The following APOOL variants were observed in gnomAD, a reference collection of about 807,000 sequenced individuals.
APOOL encodes MICOS complex subunit MIC27.
A neutral mutation model predicts 23.1 loss-of-function variants in APOOL; 12 were observed. That is an observed-to-expected ratio of 0.52 (90% CI 0.33 to 0.84). The LOEUF (loss-of-function observed/expected upper bound fraction) is 0.84. Ranked by LOEUF, APOOL falls within the 40% of genes least tolerant of loss-of-function variation. The pLI is 0.02. For synonymous variants in APOOL, 77 were observed against 69.9 expected, an observed-to-expected ratio of 1.10 and a Z score of -0.51; for missense variants, 212 against 199.6, an observed-to-expected ratio of 1.06 and a Z score of -0.37.
chrX:85,066,845 C>T lies in APOOL; in HGVS notation c.395-282C>T, dbSNP rs536327774. Reference sequence around the variant, plus strand: ...GGGTTTCGTAGGACATGAAAAATACCTAGCTTTCAAGCAGAAGAAAATCAT... The same window carrying T: ...GGGTTTCGTAGGACATGAAAAATACTTAGCTTTCAAGCAGAAGAAAATCAT... On this transcript the variant is annotated intron_variant, in intron 5 of 8. Coordinates refer to ENST00000373173, the MANE Select transcript of APOOL (RefSeq NM_198450.6). Among the ~76,000 whole-genome samples the T allele has an allele frequency of 9.1e-5, 10 of 109,855 alleles. No homozygotes were observed. In the East Asian group the frequency reaches 2.0e-3, roughly 22 times the overall value.
At chrX:85,059,467 T>G (rs1415912540) in intron 5 of APOOL, among the ~76,000 whole-genome samples, 9 of 110,487 alleles carry the variant, frequency 8.1e-5, no homozygotes, top group Admixed American at 5.8e-4. Flanking sequence ...ACTTCCACAA[T>G]CGTTGAACTA....
At chrX:85,048,348 C>T (rs943093416) in intron 2 of APOOL, among the ~76,000 whole-genome samples, 2 of 111,093 alleles carry the variant, frequency 1.8e-5, no homozygotes, top group Admixed American at 1.9e-4. Flanking sequence ...CCTTGACACT[C>T]CCATATCTGG....
chrX:85,034,612 C>T (rs1208814865), intron 1 of APOOL, among the ~76,000 whole-genome samples: 1 of 110,945 alleles, frequency 9.0e-6, no homozygotes, highest in Non-Finnish European at 1.9e-5. Context: ...TTCTTTTCTC[C>T]CTCCCTCCCC....
intron 8 of APOOL, among the ~76,000 whole-genome samples, chrX:85,077,033 GTATA>G: frequency 1.2e-5 from 1 of 81,203 alleles, no homozygotes; most frequent in South Asian, 6.0e-4. Context: ...ATATATGTAT[GTATA>G]TATATACGTA....
intron 1 of APOOL, among the ~76,000 whole-genome samples, chrX:85,045,417 G>A: frequency 8.9e-6 from 1 of 111,824 alleles, no homozygotes; most frequent in South Asian, 3.7e-4. Flanking sequence ...TAAAAACAGT[G>A]TCAGAAATGA....
chrX:85,008,729 C>A (rs2147469918), intron 1 of APOOL, among the ~76,000 whole-genome samples: 1 of 111,375 alleles, frequency 9.0e-6, no homozygotes, highest in South Asian at 3.7e-4. Flanking sequence ...TGGTTGTACA[C>A]CTACTTTGGC....
At chrX:85,077,032 T>C (rs1484484626) in intron 8 of APOOL, among the ~76,000 whole-genome samples, 97 of 94,653 alleles carry the variant, frequency 1.0e-3, no homozygotes, top group African/African-American at 3.7e-3. Context: ...TATATATGTA[T>C]GTATATATAT....
At chrX:85,016,537 G>C (rs1437494568) in intron 1 of APOOL, among the ~76,000 whole-genome samples, 1 of 111,003 alleles carries the variant, frequency 9.0e-6, no homozygotes, top group African/African-American at 3.3e-5. Context: ...ATGCTGGCCT[G>C]AACCTGGAGT....
In APOOL at chrX:85,090,266, A is replaced by G. The variant is rs988280762; in HGVS notation, c.*2588A>G. ...TCAGAAGACCTCTGTGTATATCTCA[A>G]CCAGTACTTGTCATATAGCCACACA... On this transcript the variant is annotated 3_prime_UTR_variant, in exon 9 of 9. Coordinates refer to ENST00000373173, the MANE Select transcript of APOOL (RefSeq NM_198450.6). 5 of 111,750 alleles carry G rather than the reference A, an allele frequency of 4.5e-5. No individual in the cohort carries two copies. Among genetic ancestry groups the G allele is most frequent in the Non-Finnish European group, 1.9e-5 (1 of 53,194 alleles). The allele number at this position is 111,750 out of a possible 1,213,427, so 9.2% of individuals were successfully genotyped here.
rs371797707 is a variant in APOOL at position 85,088,125 on chromosome X, C to CAT, written c.*449_*450dup. 9.2e-5 allele frequency: 1 copy of CAT among 10,893 alleles called. No individual in the cohort carries two copies. Among genetic ancestry groups the CAT allele is most frequent in the African/African-American group, 4.8e-4 (1 of 2,089 alleles). The allele number at this position is 10,893 out of a possible 1,213,427, so 0.9% of individuals were successfully genotyped here. On this transcript the variant is annotated 3_prime_UTR_variant, in exon 9 of 9. Coordinates refer to ENST00000373173, the MANE Select transcript of APOOL (RefSeq NM_198450.6). ...ATATTTATACATATATGTATAAATA[C>CAT]ATACATATTTATACATATATGTATA... is the stretch of plus-strand genomic sequence containing the variant.
At chrX:85,038,524 G>GTTTTT (rs56248244) in intron 1 of APOOL, among the ~76,000 whole-genome samples, 7 of 43,445 alleles carry the variant, frequency 1.6e-4, no homozygotes, top group African/African-American at 7.5e-4. Context: ...TCTGGTACAA[G>GTTTTT]TTTTTTTTTT....
intron 5 of APOOL, among the ~76,000 whole-genome samples, chrX:85,065,502 G>T (rs1198747187): frequency 8.9e-6 from 1 of 111,734 alleles, no homozygotes; most frequent in Non-Finnish European, 1.9e-5. Context: ...GTGTGTTTTT[G>T]TAGTGGCTGG....
At chrX:85,044,885 G>T (rs928764025) in intron 1 of APOOL, among the ~76,000 whole-genome samples, 3 of 111,371 alleles carry the variant, frequency 2.7e-5, no homozygotes, top group African/African-American at 9.8e-5. Flanking sequence ...TTAGTGTGTT[G>T]AAAAAATTCA....
chrX:85,039,658 C>T (rs1922343719), intron 1 of APOOL, among the ~76,000 whole-genome samples: 1 of 111,123 alleles, frequency 9.0e-6, no homozygotes, highest in African/African-American at 3.3e-5. Flanking sequence ...TATATAATGT[C>T]CTTCTTTGTC....
intron 4 of APOOL, 27 bp from the exon 5 acceptor site, chrX:85,055,800 A>T (rs1266201909): frequency 2.8e-6 from 3 of 1,059,317 alleles, no homozygotes; most frequent in African/African-American, 1.9e-5. Context: ...TCAGTTATTC[A>T]TGTTAATTTT....
At chrX:85,061,644 C>T (rs1459233007) in intron 5 of APOOL, among the ~76,000 whole-genome samples, 3 of 111,155 alleles carry the variant, frequency 2.7e-5, no homozygotes, top group East Asian at 2.8e-4. Context: ...ATCCATTTCT[C>T]CTAGATTTTC....
chrX:85,005,464 C>T (rs1337770109), intron 1 of APOOL, among the ~76,000 whole-genome samples: 2 of 193 alleles, frequency 0.01, no homozygotes, highest in African/African-American at 0.028. Context: ...CGGTCCTCGC[C>T]AGTCTATTTT....
At chrX:85,014,936 T>C (rs751344747) in intron 1 of APOOL, among the ~76,000 whole-genome samples, 9 of 110,920 alleles carry the variant, frequency 8.1e-5, no homozygotes, top group Middle Eastern at 4.7e-3. Flanking sequence ...GAGATTTCTC[T>C]TCTTCCTCAG....
intron 1 of APOOL, among the ~76,000 whole-genome samples, chrX:85,011,290 G>T (rs930413866): frequency 9.8e-5 from 11 of 111,763 alleles, no homozygotes; most frequent in African/African-American, 3.6e-4. Flanking sequence ...TCTGTTGGTT[G>T]TCTGTTTTCT....
Sources: gnomAD v4.1 joint callset for allele counts (sites outside exome capture counted in the v4.1 genomes callset) on GRCh38, gnomAD v4.1.1 for gene constraint, MANE v1.5 for transcripts, NCBI Gene and HGNC (gene_info 2026-07-23, HGNC 2026-07-21) for gene names.